The following CASD1 variants were observed in gnomAD, a reference collection of about 807,000 sequenced individuals.
CASD1 encodes the protein N-acetylneuraminate (7)9-O-acetyltransferase.
A neutral mutation model predicts 100.0 loss-of-function variants in CASD1; 41 were observed. That is an observed-to-expected ratio of 0.41 (90% CI 0.32 to 0.53). CASD1 has a LOEUF of 0.53. CASD1 is among the 20% of genes least tolerant of loss of function. The probability of loss-of-function intolerance (pLI) is 0.25; values close to 1 mark genes in which losing one functional copy is unlikely to be tolerated. For missense variants in CASD1, 774 were observed against 948.7 expected (o/e 0.82, Z 2.42); for synonymous variants, 321 against 315.6 (o/e 1.02, Z -0.18).
chr7:94,603,737 T>C, the CASD1 span, among the ~76,000 whole-genome samples: 1 of 152,182 alleles, frequency 6.6e-6, no homozygotes, highest in Non-Finnish European at 1.5e-5. Flanking sequence ...TCATTCAATA[T>C]AAACATGCAT....
Position 94,537,803 on chromosome 7 carries a change from A to G in CASD1, c.1175A>G (p.Lys392Arg). 1 of 1,608,976 alleles carries G rather than the reference A, an allele frequency of 6.2e-7. No individual in the cohort carries two copies. The highest frequency in any genetic ancestry group is 8.5e-7 in the Non-Finnish European group (1 of 1,175,576). Residue 392 changes from lysine (K) to arginine (R), a missense_variant, in exon 9 of 18, where the codon AAG becomes AGG. Lys to Arg is a conservative substitution (Grantham distance 26). This residue lies in a region of CASD1 where 453 missense variants were observed against 532.6 expected (regional missense o/e 0.85). Coordinates refer to ENST00000297273, the MANE Select transcript of CASD1 (RefSeq NM_022900.5). ...YMCDRANLFMKENKFYTHSSF... is the reference protein window; with the variant it reads ...YMCDRANLFMRENKFYTHSSF... The stretch of plus-strand genomic sequence containing the variant: ...TGTGACCGTGCAAATCTGTTCATGA[A>G]GGAAAACAAATTTTATACACATTCA...
the CASD1 span, among the ~76,000 whole-genome samples, chr7:94,592,110 A>G: frequency 6.6e-6 from 1 of 152,220 alleles, no homozygotes; most frequent in Non-Finnish European, 1.5e-5. Context: ...ATGTGTGCAC[A>G]TAGCTCTGTT....
chr7:94,550,869 A>C (rs571585035), intron 14 of CASD1, among the ~76,000 whole-genome samples: 1 of 152,144 alleles, frequency 6.6e-6, no homozygotes, highest in East Asian at 1.9e-4. Context: ...GAGAAAGCTC[A>C]TGTACTTTCC....
chr7:94,583,884 C>G, the CASD1 span, among the ~76,000 whole-genome samples: 2 of 152,126 alleles, frequency 1.3e-5, no homozygotes, highest in African/African-American at 4.8e-5. Flanking sequence ...CAAAAAAACC[C>G]TTAATAGTCC....
the CASD1 span, among the ~76,000 whole-genome samples, chr7:94,612,279 C>T: frequency 7.9e-5 from 12 of 151,832 alleles, no homozygotes; most frequent in East Asian, 3.9e-4. Flanking sequence ...ATTATAAAAC[C>T]AGTATAAAAA....
intron 10 of CASD1, among the ~76,000 whole-genome samples, chr7:94,539,761 G>A (rs893547309): frequency 3.3e-5 from 5 of 151,724 alleles, no homozygotes; most frequent in Non-Finnish European, 7.4e-5. Flanking sequence ...AATCAAATTT[G>A]ATTATTATAG....
chr7:94,568,538 G>A, the CASD1 span, among the ~76,000 whole-genome samples: 9 of 152,184 alleles, frequency 5.9e-5, no homozygotes, highest in East Asian at 1.7e-3. Flanking sequence ...CTGAGAAAAG[G>A]CATTTGTATC....
At chr7:94,564,961 A>T in the CASD1 span, among the ~76,000 whole-genome samples, 1 of 152,064 alleles carries the variant, frequency 6.6e-6, no homozygotes, top group African/African-American at 2.4e-5. Flanking sequence ...AGATCTGGGA[A>T]ATCAGCAAGG....
intron 10 of CASD1, among the ~76,000 whole-genome samples, chr7:94,541,583 G>A (rs921495582): frequency 1.1e-5 from 1 of 87,870 alleles, no homozygotes; most frequent in Non-Finnish European, 2.0e-5. Flanking sequence ...TGGAGAGTTT[G>A]TAAGTAACTT....
the CASD1 span, among the ~76,000 whole-genome samples, chr7:94,568,261 C>T: frequency 6.6e-6 from 1 of 152,138 alleles, no homozygotes; most frequent in African/African-American, 2.4e-5. Flanking sequence ...CTATAGGTAG[C>T]AACTCAAGTC....
rs1350749592 is a variant in CASD1 at position 94,556,737 on chromosome 7, C to T, written c.*979C>T. The T allele has an allele frequency of 2.6e-5, 4 of 151,876 alleles. No individual in the cohort carries two copies. Among genetic ancestry groups the T allele is most frequent in the Non-Finnish European group, 5.9e-5 (4 of 67,892 alleles). 9.4% of individuals were successfully genotyped at this position (151,876 alleles called of 1,614,324 possible). A position where few individuals can be genotyped will look rare whatever the true frequency, so the allele number is the denominator to read the frequency against. On this transcript the variant is annotated 3_prime_UTR_variant, in exon 18 of 18. Transcript: ENST00000297273. ...TACCATAAGTAGAATTTTAAGTAAA[C>T]TGGTGAATTTGGGCAATAAATGTTT...
rs1372797581 is a variant in CASD1, at chr7:94,554,401, G to A, written c.2035-82G>A. 9.5e-6 allele frequency: 8 copies of A among 838,588 alleles called. No individual in the cohort carries two copies. The African/African-American group carries it at 1.4e-4, about 15-fold the overall frequency. 51.9% of individuals were successfully genotyped at this position (838,588 alleles called of 1,614,324 possible). A position where few individuals can be genotyped will look rare whatever the true frequency, so the allele number is the denominator to read the frequency against. The stretch of plus-strand genomic sequence containing the variant: ...CAAGTTCACAAACATAAAGAATAAG[G>A]TTATCATTTAAAAGAAAGCTTTATA... On this transcript the variant is annotated intron_variant, in intron 16 of 17. Coordinates refer to ENST00000297273, the MANE Select transcript of CASD1 (RefSeq NM_022900.5).
the CASD1 span, chr7:94,629,467 A>T: frequency 8.0e-5 from 32 of 401,658 alleles, no homozygotes; most frequent in Non-Finnish European, 1.3e-4. Flanking sequence ...ATATAGGTAG[A>T]TCACTTGTCA....
At chr7:94,530,415 G>C (rs1287309638) in intron 5 of CASD1, among the ~76,000 whole-genome samples, 1 of 152,156 alleles carries the variant, frequency 6.6e-6, no homozygotes, top group Non-Finnish European at 1.5e-5. Flanking sequence ...CAAGAGATGA[G>C]GAAGCAGGTA....
At chr7:94,558,042 A>G (rs1274523809), downstream of CASD1, among the ~76,000 whole-genome samples, 1 of 152,168 alleles carries the variant, frequency 6.6e-6, no homozygotes, top group Non-Finnish European at 1.5e-5. Flanking sequence ...TTTTTCTGTA[A>G]TAGAAATCAC....
At chr7:94,623,195 T>C in the CASD1 span, 21 of 591,776 alleles carry the variant, frequency 3.5e-5, no homozygotes, top group East Asian at 5.7e-4. Flanking sequence ...TTCTTTTCTA[T>C]ATCTTATTAT....
chr7:94,630,700 T>C, the CASD1 span, among the ~76,000 whole-genome samples: 1 of 152,094 alleles, frequency 6.6e-6, no homozygotes, highest in South Asian at 2.1e-4. Context: ...CTCTTGTCAC[T>C]TCTACGATCT....
the CASD1 span, among the ~76,000 whole-genome samples, chr7:94,607,855 T>C: frequency 3.9e-5 from 6 of 152,192 alleles, no homozygotes; most frequent in East Asian, 1.2e-3. Context: ...TTGCAGATGA[T>C]ATGATTCAAA....
intron 6 of CASD1, 139 bp downstream of exon 6, chr7:94,533,388 A>G (rs1794947239): frequency 1.6e-6 from 1 of 630,292 alleles, no homozygotes. Context: ...AGATTGATGA[A>G]TTTTAATACA....
Sources: allele counts gnomAD v4.1 joint callset (sites outside exome capture counted in the v4.1 genomes callset), GRCh38; gene constraint gnomAD v4.1.1; regional missense constraint gnomAD v4.1.1; transcripts MANE v1.5; gene names NCBI Gene and HGNC (gene_info 2026-07-23, HGNC 2026-07-21).